The following COL23A1 variants were observed in gnomAD, a reference collection of about 807,000 sequenced individuals.
COL23A1 encodes collagen type XXIII alpha 1 chain, also known as collagen alpha-1(XXIII) chain.
In COL23A1, 97 loss-of-function variants were observed where a neutral mutation model predicts 99.3. That is an observed-to-expected ratio of 0.98 (90% CI 0.83 to 1.16). The LOEUF (loss-of-function observed/expected upper bound fraction) is 1.16. COL23A1 is among the 50% of genes most tolerant of loss of function. The probability of loss-of-function intolerance (pLI) is 0.00; values close to 1 mark genes in which losing one functional copy is unlikely to be tolerated. For missense variants in COL23A1, 762 were observed against 757.4 expected, an observed-to-expected ratio of 1.01 and a Z score of -0.07; for synonymous variants, 320 against 308.2, an observed-to-expected ratio of 1.04 and a Z score of -0.40.
At position 178,589,904 on chromosome 5, in the gene COL23A1, C is replaced by T. The variant is rs1182556026; in HGVS notation, c.294G>A (p.Glu98=). Residue 98 remains glutamate (E), a splice_region_variant and synonymous_variant, in exon 1 of 29, where the codon GAG becomes GAA. Coordinates refer to ENST00000390654, the MANE Select transcript of COL23A1 (RefSeq NM_173465.4). The surrounding 1 kb of genome is among the most constrained non-coding windows in gnomAD (Gnocchi z 5.4). ...CCCAGCCACGCGCCAAGACGCTCAC[C>T]TCCCGCAGCAGGCGCTCCAGGTGCG... ...AEPHLERLLR[E]KLDGLAKIRT... The T allele has an allele frequency of 1.7e-5, 22 of 1,314,230 alleles. No individual in the cohort carries two copies. The highest frequency in any genetic ancestry group is 2.1e-5 in the Non-Finnish European group (22 of 1,037,790). 81.4% of individuals were successfully genotyped at this position (1,314,230 alleles called of 1,614,324 possible).
chr5:178,451,656 CAAAAAA>C (rs5873614), intron 2 of COL23A1, among the ~76,000 whole-genome samples: 2 of 105,588 alleles, frequency 1.9e-5, no homozygotes, highest in Admixed American at 1.1e-4. Context: ...AACTCCATCT[CAAAAAA>C]AAAAAAAAAA....
chr5:178,575,821 A>T (rs166375), intron 1 of COL23A1, among the ~76,000 whole-genome samples: 1 of 151,696 alleles, frequency 6.6e-6, no homozygotes, highest in African/African-American at 2.4e-5. Flanking sequence ...AAGGAAGCGG[A>T]GACCAGGTCC....
Position 178,476,461 on chromosome 5 carries a change from G to A in COL23A1, c.361+84221C>T, listed in dbSNP as rs112442802. 3.9e-3 allele frequency among the ~76,000 whole-genome samples: 599 copies of A among 152,310 alleles called. 5 individuals carry two copies. Among genetic ancestry groups the A allele is most frequent in the African/African-American group, 0.014 (562 of 41,572 alleles). On this transcript the variant is annotated intron_variant, in intron 2 of 28. Coordinates refer to ENST00000390654, the MANE Select transcript of COL23A1 (RefSeq NM_173465.4). Reference sequence around the variant, plus strand: ...TCCTTTGGTATTTGGGGGCCGCTTTGCCCTTTCACTGAACAAATGGCAAAT... The same window carrying A: ...TCCTTTGGTATTTGGGGGCCGCTTTACCCTTTCACTGAACAAATGGCAAAT...
chr5:178,327,083 C>T (rs1759729437), intron 2 of COL23A1, among the ~76,000 whole-genome samples: 1 of 152,188 alleles, frequency 6.6e-6, no homozygotes, highest in East Asian at 1.9e-4. Flanking sequence ...ATCAAATATC[C>T]ATTTGCATAT....
chr5:178,300,185 C>T (rs1324127868), intron 3 of COL23A1, among the ~76,000 whole-genome samples: 2 of 152,040 alleles, frequency 1.3e-5, no homozygotes, highest in Non-Finnish European at 2.9e-5. Flanking sequence ...TCTGCCTCAG[C>T]CTCTGGAGTA....
chr5:178,487,277 A>T (rs1757682426), intron 2 of COL23A1, among the ~76,000 whole-genome samples: 1 of 147,106 alleles, frequency 6.8e-6, no homozygotes, highest in Non-Finnish European at 1.5e-5. Flanking sequence ...CAGTCATGGT[A>T]CCAGCCTCAG....
chr5:178,560,605 G>A (rs561510513), intron 2 of COL23A1, 77 bp downstream of exon 2: 2 of 1,364,252 alleles, frequency 1.5e-6, no homozygotes, highest in Admixed American at 2.1e-5. Flanking sequence ...CCACCTTCCG[G>A]ACCATGCTGT....
chr5:178,288,388 G>C (rs766387553), intron 4 of COL23A1, 38 bp from the exon 5 acceptor site: 1 of 1,584,360 alleles, frequency 6.3e-7, no homozygotes, highest in East Asian at 2.2e-5. Flanking sequence ...TCAGAGTTTC[G>C]GCAGAAACCA....
intron 2 of COL23A1, among the ~76,000 whole-genome samples, chr5:178,458,514 A>G (rs1048696732): frequency 6.6e-6 from 1 of 151,968 alleles, no homozygotes; most frequent in Non-Finnish European, 1.5e-5. Flanking sequence ...GTGCACGCCT[A>G]TAATTCCAGC....
chr5:178,256,539 C>A (rs1765309288), intron 14 of COL23A1, 142 bp from the exon 15 acceptor site: 2 of 727,856 alleles, frequency 2.7e-6, no homozygotes, highest in South Asian at 4.6e-5. Flanking sequence ...ATGAGAACAG[C>A]ACTCCAGGAA....
Position 178,428,945 on chromosome 5 carries a change from C to T in COL23A1, c.362-122026G>A, listed in dbSNP as rs1489348800. Among the ~76,000 whole-genome samples the T allele has an allele frequency of 6.8e-6, 1 of 147,226 alleles. No homozygotes were observed. Among genetic ancestry groups the T allele is most frequent in the Non-Finnish European group, 1.5e-5 (1 of 67,952 alleles). On this transcript the variant is annotated intron_variant, in intron 2 of 28. Coordinates refer to ENST00000390654, the MANE Select transcript of COL23A1 (RefSeq NM_173465.4). The surrounding 1 kb of genome is among the most constrained non-coding windows in gnomAD (Gnocchi z 5.0). ...CCCGCACACAGACAGGCAGGCCCTC[C>T]GTGAGTGTCCTGAGACCCTACCACA...
chr5:178,287,818 C>T (rs184306114), intron 5 of COL23A1, among the ~76,000 whole-genome samples: 39 of 152,370 alleles, frequency 2.6e-4, no homozygotes, highest in African/African-American at 8.9e-4. Flanking sequence ...TTGCTGCTGA[C>T]GTGGTGCTCA....
intron 5 of COL23A1, among the ~76,000 whole-genome samples, chr5:178,277,133 A>G (rs1012771130): frequency 6.6e-6 from 1 of 151,970 alleles, no homozygotes; most frequent in Non-Finnish European, 1.5e-5. Flanking sequence ...TGGAAGGTCA[A>G]TGTAGGAGGA....
chr5:178,418,763 C>T (rs528633886), intron 2 of COL23A1, among the ~76,000 whole-genome samples: 19 of 151,874 alleles, frequency 1.3e-4, no homozygotes, highest in African/African-American at 4.6e-4. Context: ...GCAGCACCCT[C>T]TGCTTGTCGG....
chr5:178,568,361 A>G (rs987731935), intron 1 of COL23A1, among the ~76,000 whole-genome samples: 2 of 152,250 alleles, frequency 1.3e-5, no homozygotes, highest in African/African-American at 4.8e-5. Flanking sequence ...GTTTTAAAAA[A>G]AAAAAGCATA....
intron 27 of COL23A1, among the ~76,000 whole-genome samples, chr5:178,240,060 C>T (rs1462535787): frequency 6.6e-6 from 1 of 152,072 alleles, no homozygotes; most frequent in Non-Finnish European, 1.5e-5. Flanking sequence ...AGGGCAGGCT[C>T]AGGTTGCTGG....
At chr5:178,369,077 G>A (rs972288643) in intron 2 of COL23A1, among the ~76,000 whole-genome samples, 2 of 152,332 alleles carry the variant, frequency 1.3e-5, no homozygotes, top group Admixed American at 6.5e-5. Context: ...GGCTGCATCC[G>A]TCGGCCCCTT....
chr5:178,246,976 C>T (rs766174420), intron 22 of COL23A1, among the ~76,000 whole-genome samples: 43 of 152,296 alleles, frequency 2.8e-4, no homozygotes, highest in Non-Finnish European at 2.8e-4. Context: ...GATTTGCTCA[C>T]GCCAGGAGGG....
intron 2 of COL23A1, among the ~76,000 whole-genome samples, chr5:178,344,050 T>C (rs75766773): frequency 6.0e-4 from 91 of 152,318 alleles, no homozygotes; most frequent in Non-Finnish European, 9.1e-4. Context: ...TTTTACATTA[T>C]GCCCATCACT....
Sources: allele counts gnomAD v4.1 joint callset (sites outside exome capture counted in the v4.1 genomes callset), GRCh38; gene constraint gnomAD v4.1.1; non-coding constraint Gnocchi (gnomAD v3.1); transcripts MANE v1.5; gene names NCBI Gene and HGNC (gene_info 2026-07-23, HGNC 2026-07-21).